Variants in ACER3 observed in about 807,000 individuals in gnomAD.
ACER3 encodes the protein alkCDase 3.
In ACER3, 16 loss-of-function variants were observed where a neutral mutation model predicts 48.9. That is an observed-to-expected ratio of 0.33 (90% CI 0.22 to 0.50). The LOEUF (loss-of-function observed/expected upper bound fraction) is 0.50. Ranked by LOEUF, ACER3 falls within the 20% of genes least tolerant of loss-of-function variation. ACER3 has a pLI of 0.98. For synonymous variants in ACER3, 109 were observed against 107.8 expected, an observed-to-expected ratio of 1.01 and a Z score of -0.07; for missense variants, 227 against 326.0, an observed-to-expected ratio of 0.70 and a Z score of 2.34.
chr11:76,988,085 G>T (rs757463353), intron 5 of ACER3, among the ~76,000 whole-genome samples: 6 of 152,250 alleles, frequency 3.9e-5, no homozygotes, highest in Non-Finnish European at 5.9e-5. Context: ...GGAGTACAAA[G>T]ATTTCTAGAA....
intron 2 of ACER3, among the ~76,000 whole-genome samples, chr11:76,929,571 C>T (rs1274907514): frequency 6.6e-6 from 1 of 152,140 alleles, no homozygotes; most frequent in Non-Finnish European, 1.5e-5. Flanking sequence ...CAGTTTTTGC[C>T]CATTCAGTAT....
intron 7 of ACER3, among the ~76,000 whole-genome samples, chr11:77,008,074 A>AT (rs1470348099): frequency 2.0e-5 from 3 of 152,124 alleles, no homozygotes; most frequent in Non-Finnish European, 4.4e-5. Flanking sequence ...AATAATATTA[A>AT]TTTTTTAAAA....
chr11:76,985,328 C>T (rs531728770), intron 4 of ACER3, among the ~76,000 whole-genome samples: 22 of 152,260 alleles, frequency 1.4e-4, no homozygotes, highest in South Asian at 4.2e-4. Flanking sequence ...GTCTCGAAAT[C>T]CTGCACTCAA....
intron 3 of ACER3, among the ~76,000 whole-genome samples, chr11:76,975,757 G>A (rs1322987621): frequency 1.3e-5 from 2 of 151,776 alleles, no homozygotes; most frequent in East Asian, 3.9e-4. Context: ...ACACTTGGAT[G>A]ATAACCTTGT....
rs147570907 is a variant in ACER3, at chr11:76,907,002, A to G, written c.104-19555A>G. The stretch of plus-strand genomic sequence containing the variant: ...TATTCTGAATTTTACAGTTTCTTCA[A>G]TTGAAAAAAAAGCGTCACGTTGTAT... On this transcript the variant is annotated intron_variant, in intron 1 of 10. Transcript: ENST00000532485. 3.2e-4 allele frequency among the ~76,000 whole-genome samples: 49 copies of G among 152,288 alleles called. No individual in the cohort carries two copies. The East Asian group carries it at 9.1e-3, about 28-fold the overall frequency.
chr11:76,864,269 A>C (rs1443642151), intron 1 of ACER3, among the ~76,000 whole-genome samples: 1 of 152,210 alleles, frequency 6.6e-6, no homozygotes, highest in Non-Finnish European at 1.5e-5. Flanking sequence ...CAGAAGTTAG[A>C]GGTACAGGCA....
intron 1 of ACER3, among the ~76,000 whole-genome samples, chr11:76,904,762 C>T (rs1273278740): frequency 3.3e-5 from 5 of 152,186 alleles, no homozygotes; most frequent in Non-Finnish European, 7.3e-5. Flanking sequence ...TTCGCTGCCC[C>T]TCTCAACCCA....
intron 1 of ACER3, among the ~76,000 whole-genome samples, chr11:76,864,491 TAAA>T (rs1452684707): frequency 6.6e-6 from 1 of 152,102 alleles, no homozygotes; most frequent in Non-Finnish European, 1.5e-5. Flanking sequence ...TTTAAAACAT[TAAA>T]AACATTGAGA....
intron 5 of ACER3, among the ~76,000 whole-genome samples, chr11:76,986,504 A>C (rs1160368736): frequency 1.3e-5 from 2 of 152,226 alleles, no homozygotes; most frequent in Non-Finnish European, 2.9e-5. Flanking sequence ...TGTAGATAGC[A>C]CTATTGTTTT....
intron 3 of ACER3, chr11:76,959,306 A>T (rs1565200155): frequency 9.3e-7 from 1 of 1,070,332 alleles, no homozygotes; most frequent in Non-Finnish European, 1.2e-6. Flanking sequence ...TCACATGGGG[A>T]CATCTTAAAA....
chr11:76,941,040 C>CAT (rs1947330134), intron 2 of ACER3, among the ~76,000 whole-genome samples: 1 of 131,442 alleles, frequency 7.6e-6, no homozygotes, highest in African/African-American at 3.7e-5. Flanking sequence ...CACACACACA[C>CAT]GCACACACAC....
In ACER3 at chr11:76,928,305, G is replaced by A. The variant is rs12291399; in HGVS notation, c.214+1638G>A. Among the ~76,000 whole-genome samples the A allele has an allele frequency of 1.4e-3, 219 of 152,250 alleles. 2 individuals carry two copies. The highest frequency in any genetic ancestry group is 5.0e-3 in the African/African-American group (208 of 41,552). On this transcript the variant is annotated intron_variant, in intron 2 of 10. Transcript: ENST00000532485. The stretch of plus-strand genomic sequence containing the variant: ...TATCCTTTGCCCACTTTTTGATGGG[G>A]TTGTTTGTTTTTTTCTTGTAAATTT...
chr11:76,951,493 A>G (rs187447273), intron 2 of ACER3, among the ~76,000 whole-genome samples: 31 of 152,320 alleles, frequency 2.0e-4, no homozygotes, highest in African/African-American at 6.3e-4. Flanking sequence ...CTAGAGAGAA[A>G]GTGACCAAAA....
chr11:76,868,142 G>A (rs1565149814), intron 1 of ACER3: 1 of 1,289,704 alleles, frequency 7.8e-7, no homozygotes, highest in East Asian at 5.6e-5. Context: ...CATCCTCCCT[G>A]AAGAGCAACC....
intron 1 of ACER3, among the ~76,000 whole-genome samples, chr11:76,871,857 G>C (rs950378022): frequency 1.3e-5 from 2 of 152,132 alleles, no homozygotes; most frequent in African/African-American, 4.8e-5. Flanking sequence ...ATTTGTTTCA[G>C]GGCCTTGCTA....
At chr11:76,878,243 T>C (rs1256874504) in intron 1 of ACER3, among the ~76,000 whole-genome samples, 8 of 152,024 alleles carry the variant, frequency 5.3e-5, no homozygotes, top group Non-Finnish European at 1.2e-4. Context: ...ACTATTAGGT[T>C]GGTGCAAAAG....
intron 6 of ACER3, among the ~76,000 whole-genome samples, chr11:76,993,789 G>T (rs929661861): frequency 6.6e-6 from 1 of 152,162 alleles, no homozygotes; most frequent in Middle Eastern, 3.2e-3. Flanking sequence ...TCCCTTATAT[G>T]TGCAGTTCAC....
chr11:76,872,135 G>A (rs1057329951), intron 1 of ACER3, among the ~76,000 whole-genome samples: 2 of 150,406 alleles, frequency 1.3e-5, no homozygotes, highest in African/African-American at 4.9e-5. Flanking sequence ...GGAGTGCAGT[G>A]GCACCACCTT....
chr11:76,872,039 C>T (rs1399072975), intron 1 of ACER3, among the ~76,000 whole-genome samples: 11 of 142,758 alleles, frequency 7.7e-5, no homozygotes, highest in Non-Finnish European at 1.4e-4. Flanking sequence ...CCACCACCCC[C>T]ATTCATCCCC....
Sources: allele counts gnomAD v4.1 joint callset (sites outside exome capture counted in the v4.1 genomes callset), GRCh38; gene constraint gnomAD v4.1.1; transcripts MANE v1.5; gene names NCBI Gene and HGNC (gene_info 2026-07-23, HGNC 2026-07-21).